Variants in MAGI2 observed in about 807,000 individuals in gnomAD.
The protein encoded by MAGI2 is membrane associated guanylate kinase, WW and PDZ domain containing 2, also known as membrane-associated guanylate kinase, WW and PDZ domain-containing protein 2.
Under a neutral mutation model 133.3 loss-of-function variants are expected in MAGI2, and 35 were observed. The ratio of observed to expected loss-of-function variants is 0.26; its 90% CI spans 0.20 to 0.35. The LOEUF (loss-of-function observed/expected upper bound fraction) is 0.35. MAGI2 is among the 10% of genes least tolerant of loss of function. MAGI2 has a pLI of 1.00. For missense variants in MAGI2, 1,636 were observed against 1,863.4 expected, an observed-to-expected ratio of 0.88 and a Z score of 2.25; for synonymous variants, 729 against 710.6, an observed-to-expected ratio of 1.03 and a Z score of -0.41.
At chr7:78,754,854 C>T (rs1823795162) in intron 2 of MAGI2, among the ~76,000 whole-genome samples, 1 of 152,160 alleles carries the variant, frequency 6.6e-6, no homozygotes, top group Non-Finnish European at 1.5e-5. Context: ...TAAAAGACAC[C>T]AGAGAATGAA....
chr7:78,904,633 C>T (rs759486946), intron 2 of MAGI2, among the ~76,000 whole-genome samples: 4 of 151,292 alleles, frequency 2.6e-5, no homozygotes, highest in South Asian at 2.1e-4. Flanking sequence ...GAGGACTACA[C>T]CTGGGACTAC....
chr7:79,050,690 T>A (rs1355506110), intron 1 of MAGI2, among the ~76,000 whole-genome samples: 1 of 152,194 alleles, frequency 6.6e-6, no homozygotes, highest in African/African-American at 2.4e-5. Flanking sequence ...GCCTCAGGCA[T>A]AAATTCTCGA....
chr7:78,458,406 T>G (rs562500464), intron 6 of MAGI2, among the ~76,000 whole-genome samples: 3 of 152,026 alleles, frequency 2.0e-5, no homozygotes, highest in African/African-American at 7.2e-5. Flanking sequence ...GGCAGTCACA[T>G]AGTAAAACTA....
intron 6 of MAGI2, among the ~76,000 whole-genome samples, chr7:78,393,051 C>A (rs881447): frequency 0.3 from 45,697 of 151,968 alleles, 7,503 homozygotes; most frequent in Middle Eastern, 0.44. Flanking sequence ...ACGATTAGAA[C>A]CAGGAGGTGA....
chr7:78,071,393 T>G (rs886870384), intron 21 of MAGI2, among the ~76,000 whole-genome samples: 2 of 152,162 alleles, frequency 1.3e-5, no homozygotes, highest in East Asian at 1.9e-4. Flanking sequence ...AAAAATTAGT[T>G]GGGCATGGTG....
intron 1 of MAGI2, among the ~76,000 whole-genome samples, chr7:79,448,430 T>C (rs568733863): frequency 6.6e-6 from 1 of 152,138 alleles, no homozygotes; most frequent in Non-Finnish European, 1.5e-5. Flanking sequence ...TAGCTCAAAA[T>C]GACCAATATG....
At chr7:79,029,983 GT>G (rs1309577234) in intron 1 of MAGI2, among the ~76,000 whole-genome samples, 21 of 152,160 alleles carry the variant, frequency 1.4e-4, no homozygotes, top group African/African-American at 5.1e-4. Context: ...ATATTACCTA[GT>G]TTATTTTGCA....
intron 14 of MAGI2, among the ~76,000 whole-genome samples, chr7:78,177,004 A>G (rs1584273107): frequency 6.6e-6 from 1 of 151,376 alleles, no homozygotes; most frequent in East Asian, 2.0e-4. Context: ...AAAATTGATA[A>G]TGATAAACAT....
At position 78,770,670 on chromosome 7, in the gene MAGI2, G is replaced by A. The variant is rs182279660; in HGVS notation, c.419-143431C>T. Reference sequence around the variant, plus strand: ...TTAAACAAAAGCTCCGCAAACAAACGAGAGGCATTTGGCAAATGAAGTGAG... The same window carrying A: ...TTAAACAAAAGCTCCGCAAACAAACAAGAGGCATTTGGCAAATGAAGTGAG... On this transcript the variant is annotated intron_variant, in intron 2 of 21. Coordinates refer to ENST00000354212, the MANE Select transcript of MAGI2 (RefSeq NM_012301.4). 5.2e-3 allele frequency among the ~76,000 whole-genome samples: 791 copies of A among 152,306 alleles called. 6 individuals are homozygous for A. Among genetic ancestry groups the A allele is most frequent in the Non-Finnish European group, 4.1e-3 (276 of 68,034 alleles).
intron 6 of MAGI2, among the ~76,000 whole-genome samples, chr7:78,472,165 T>C (rs1791274695): frequency 1.3e-5 from 2 of 152,096 alleles, no homozygotes; most frequent in South Asian, 4.1e-4. Flanking sequence ...CTTTTAAATG[T>C]TGCATCACAA....
chr7:78,912,820 T>C (rs1584371127), intron 2 of MAGI2, among the ~76,000 whole-genome samples: 1 of 141,914 alleles, frequency 7.0e-6, no homozygotes. Flanking sequence ...ATATCATTCA[T>C]ATATATATAT....
chr7:78,377,313 G>A (rs1203186233), intron 6 of MAGI2, among the ~76,000 whole-genome samples: 1 of 152,076 alleles, frequency 6.6e-6, no homozygotes, highest in African/African-American at 2.4e-5. Flanking sequence ...TGGAGACTGT[G>A]CAGAAAGGAG....
chr7:78,656,943 C>T (rs1463125171), intron 2 of MAGI2, among the ~76,000 whole-genome samples: 2 of 126,850 alleles, frequency 1.6e-5, no homozygotes, highest in Non-Finnish European at 3.4e-5. Flanking sequence ...TTAAAATATA[C>T]AAAGAACTCT....
chr7:79,382,790 G>A (rs568151229), intron 1 of MAGI2, among the ~76,000 whole-genome samples: 1 of 151,672 alleles, frequency 6.6e-6, no homozygotes, highest in Admixed American at 6.6e-5. Flanking sequence ...ATGCATGAGT[G>A]TAGAACTCTG....
intron 9 of MAGI2, among the ~76,000 whole-genome samples, chr7:78,311,134 C>T (rs1477124457): frequency 6.6e-6 from 1 of 152,156 alleles, no homozygotes; most frequent in African/African-American, 2.4e-5. Context: ...CCTTACATTA[C>T]ACAGCTAATA....
intron 1 of MAGI2, among the ~76,000 whole-genome samples, chr7:79,227,113 G>A (rs116417888): frequency 0.015 from 2,236 of 152,200 alleles, 52 homozygotes; most frequent in African/African-American, 0.051. Context: ...ATGCAAGCTG[G>A]CTGCTAACAA....
At chr7:78,834,846 G>A (rs1791478379) in intron 2 of MAGI2, among the ~76,000 whole-genome samples, 1 of 152,056 alleles carries the variant, frequency 6.6e-6, no homozygotes, top group Non-Finnish European at 1.5e-5. Flanking sequence ...CACGAGATCT[G>A]ATTGTGTAAA....
intron 2 of MAGI2, among the ~76,000 whole-genome samples, chr7:78,912,730 A>T (rs998122349): frequency 2.8e-5 from 4 of 145,072 alleles, no homozygotes; most frequent in Non-Finnish European, 6.0e-5. Context: ...TATATATATC[A>T]TTCATATATA....
At chr7:78,052,719 T>TG (rs1472661252) in intron 21 of MAGI2, among the ~76,000 whole-genome samples, 1 of 152,238 alleles carries the variant, frequency 6.6e-6, no homozygotes, top group Non-Finnish European at 1.5e-5. Flanking sequence ...CTCCCAAAGC[T>TG]GGTTATATAT....
Sources: gnomAD v4.1 joint callset for allele counts (sites outside exome capture counted in the v4.1 genomes callset) on GRCh38, gnomAD v4.1.1 for gene constraint, MANE v1.5 for transcripts, NCBI Gene and HGNC (gene_info 2026-07-23, HGNC 2026-07-21) for gene names.